The following ABCB11 variants were observed in gnomAD, a reference collection of about 807,000 sequenced individuals.
The protein encoded by ABCB11 is ATP binding cassette subfamily B member 11.
In ABCB11, 95 loss-of-function variants were observed where a neutral mutation model predicts 148.0. The ratio of observed to expected loss-of-function variants is 0.64; its 90% confidence interval spans 0.54 to 0.76. The LOEUF (loss-of-function observed/expected upper bound fraction) is 0.76, where lower values mean the gene tolerates loss of function less well. ABCB11 is among the 30% of genes least tolerant of loss of function. ABCB11 has a pLI of 0.00. For missense variants in ABCB11, 1,523 were observed against 1,617.8 expected, an observed-to-expected ratio of 0.94 and a Z score of 1.01; for synonymous variants, 591 against 555.4, an observed-to-expected ratio of 1.06 and a Z score of -0.90.
intron 1 of ABCB11, among the ~76,000 whole-genome samples, chr2:169,022,020 A>T (rs1196705967): frequency 6.6e-6 from 1 of 152,058 alleles, no homozygotes. Flanking sequence ...TGTGTGTGTT[A>T]CAAACTTTAA....
chr2:168,980,335 T>C (rs1694091323), intron 10 of ABCB11, among the ~76,000 whole-genome samples: 2 of 152,130 alleles, frequency 1.3e-5, no homozygotes, highest in South Asian at 4.1e-4. Flanking sequence ...ATCAGCCTTA[T>C]AGTGATTTTC....
chr2:168,974,824 C>A (rs1380616719), intron 12 of ABCB11, among the ~76,000 whole-genome samples: 4 of 151,512 alleles, frequency 2.6e-5, no homozygotes, highest in Non-Finnish European at 5.9e-5. Flanking sequence ...CTTTGTAATT[C>A]ATAGCTTACA....
rs1478802061 is a variant in ABCB11 at position 168,921,460 on chromosome 2, G to A, written c.*2162C>T. ...ACCGTGGGTGCAGTCCTGCTCCCAA[G>A]GTTTTCATTTCTGTGACAAGAGCTC... On this transcript the variant is annotated 3_prime_UTR_variant, in exon 28 of 28. Transcript: ENST00000650372. Among the ~76,000 whole-genome samples, 1 of 151,982 alleles carries A rather than the reference G, an allele frequency of 6.6e-6. No homozygotes were observed. Among genetic ancestry groups the A allele is most frequent in the Non-Finnish European group, 1.5e-5 (1 of 67,960 alleles).
intron 8 of ABCB11, 47 bp downstream of exon 8, chr2:168,993,664 T>C (rs1194953812): frequency 1.9e-6 from 3 of 1,564,074 alleles, no homozygotes; most frequent in Non-Finnish European, 2.6e-6. Flanking sequence ...TGGCTGTTTA[T>C]GAAGGCAAAT....
chr2:168,944,579 C>A lies in ABCB11; in HGVS notation c.2610+26G>T, dbSNP rs758118928. ...AAAGAATGCCAATGCAGTTAATATA[C>A]TTCTATTTCCCCTCCCATAGCTCAC... On this transcript the variant is annotated intron_variant, in intron 21 of 27. Transcript: ENST00000650372. 3 of 1,564,868 alleles carry A rather than the reference C, an allele frequency of 1.9e-6. No individual in the cohort carries two copies. The East Asian group carries it at 6.8e-5, about 35-fold the overall frequency.
At chr2:168,971,279 C>G (rs906764053) in intron 14 of ABCB11, among the ~76,000 whole-genome samples, 19 of 151,944 alleles carry the variant, frequency 1.3e-4, no homozygotes, top group African/African-American at 3.9e-4. Flanking sequence ...TAGTAAGAAC[C>G]GTATACGTGT....
chr2:169,019,455 G>GTTC (rs1203014091), intron 1 of ABCB11, among the ~76,000 whole-genome samples: 1 of 152,136 alleles, frequency 6.6e-6, no homozygotes, highest in Non-Finnish European at 1.5e-5. Flanking sequence ...CAGGAGATTG[G>GTTC]TTCTAGCACT....
rs1488617667 is a variant in ABCB11 at position 168,976,469 on chromosome 2, A to G, written c.1308+108T>C. The G allele has an allele frequency of 2.1e-5, 13 of 608,862 alleles. No homozygotes were observed. In the South Asian group the frequency reaches 3.0e-4, roughly 14 times the overall value. The allele number at this position is 608,862 out of a possible 1,614,324, so 37.7% of individuals were successfully genotyped here. On this transcript the variant is annotated intron_variant, in intron 12 of 27. Coordinates refer to ENST00000650372, the MANE Select transcript of ABCB11 (RefSeq NM_003742.4). ...TCAGAGAAAGACACCTCCATTCCCT[A>G]TTACTGGAAACAGAGTCAGGCTTCA... is the stretch of plus-strand genomic sequence containing the variant.
chr2:169,023,765 T>C (rs188948012), intron 1 of ABCB11, among the ~76,000 whole-genome samples: 55 of 152,322 alleles, frequency 3.6e-4, no homozygotes, highest in Admixed American at 1.1e-3. Context: ...CTGAAACTGA[T>C]AAGCACTGAA....
At chr2:169,018,390 T>C (rs1427082914) in intron 1 of ABCB11, among the ~76,000 whole-genome samples, 6 of 152,196 alleles carry the variant, frequency 3.9e-5, no homozygotes. Flanking sequence ...TTTTATAGCT[T>C]AATTATAGGA....
downstream of ABCB11, among the ~76,000 whole-genome samples, chr2:168,920,227 T>C (rs1691033947): frequency 6.6e-6 from 1 of 152,126 alleles, no homozygotes; most frequent in African/African-American, 2.4e-5. Context: ...CTGGAAAATA[T>C]TCTCCTTTTC....
intron 1 of ABCB11, among the ~76,000 whole-genome samples, chr2:169,019,210 T>C (rs1404127082): frequency 6.6e-6 from 1 of 152,046 alleles, no homozygotes; most frequent in Non-Finnish European, 1.5e-5. Flanking sequence ...TACACACATG[T>C]ACAAATAAAA....
At chr2:169,006,172 C>T (rs1320503722) in intron 5 of ABCB11, among the ~76,000 whole-genome samples, 1 of 152,078 alleles carries the variant, frequency 6.6e-6, no homozygotes, top group Non-Finnish European at 1.5e-5. Context: ...TTGAATCCTG[C>T]AGCATAGTAA....
intron 9 of ABCB11, 62 bp downstream of exon 9, chr2:168,990,739 A>T (rs1694487067): frequency 5.6e-6 from 9 of 1,599,718 alleles, no homozygotes; most frequent in Non-Finnish European, 7.7e-6. Flanking sequence ...ACAAACTGAG[A>T]GACTCAGGGT....
At chr2:168,934,663 T>C (rs1691735970) in intron 23 of ABCB11, among the ~76,000 whole-genome samples, 3 of 152,228 alleles carry the variant, frequency 2.0e-5, no homozygotes, top group Admixed American at 2.0e-4. Context: ...CCTCTAGATT[T>C]TCTCAGCATT....
At position 168,920,840 on chromosome 2, in the gene ABCB11, T is replaced by C. The variant is rs940806552; in HGVS notation, c.*2782A>G. Among the ~76,000 whole-genome samples, 10 of 152,236 alleles carry C rather than the reference T, an allele frequency of 6.6e-5. No homozygotes were observed. The highest frequency in any genetic ancestry group is 1.3e-4 in the Non-Finnish European group (9 of 68,042). ...CATTTTTGAAGTTGTAATCTTCTCCTTTGTCACTGAGCCTCAATTATTTCC... is the reference window on the plus strand; with the variant it reads ...CATTTTTGAAGTTGTAATCTTCTCCCTTGTCACTGAGCCTCAATTATTTCC... On this transcript the variant is annotated 3_prime_UTR_variant, in exon 28 of 28. Coordinates refer to ENST00000650372, the MANE Select transcript of ABCB11 (RefSeq NM_003742.4).
At chr2:168,920,385 T>A (rs1198985320), downstream of ABCB11, among the ~76,000 whole-genome samples, 1 of 86,446 alleles carries the variant, frequency 1.2e-5, no homozygotes, top group Non-Finnish European at 2.1e-5. Context: ...CTAAATTTAT[T>A]TTTTTAAATA....
intron 17 of ABCB11, among the ~76,000 whole-genome samples, chr2:168,964,963 T>C (rs1299987693): frequency 1.3e-5 from 2 of 151,804 alleles, no homozygotes; most frequent in African/African-American, 4.8e-5. Flanking sequence ...GACTAGCCAA[T>C]AACAGATTTC....
intron 23 of ABCB11, among the ~76,000 whole-genome samples, chr2:168,934,544 T>C (rs1574404154): frequency 6.6e-6 from 1 of 152,298 alleles, no homozygotes; most frequent in South Asian, 2.1e-4. Context: ...CCTTCACCTG[T>C]ATGGCCCATG....
Sources: allele counts gnomAD v4.1 joint callset (sites outside exome capture counted in the v4.1 genomes callset), GRCh38; gene constraint gnomAD v4.1.1; transcripts MANE v1.5; gene names NCBI Gene and HGNC (gene_info 2026-07-23, HGNC 2026-07-21).